Variants in PDE4D observed in about 807,000 individuals in gnomAD.
PDE4D encodes the protein 3',5'-cyclic-AMP phosphodiesterase 4D.
Under a neutral mutation model 87.4 loss-of-function variants are expected in PDE4D, and 24 were observed. The ratio of observed to expected loss-of-function variants is 0.27; its 90% CI spans 0.20 to 0.39. PDE4D has a LOEUF of 0.39. Among genes scored for constraint, PDE4D ranks in the 10% least tolerant of loss-of-function variants. The pLI is 1.00. For synonymous variants in PDE4D, 384 were observed against 383.2 expected (o/e 1.00, Z -0.02); for missense variants, 714 against 1,041.0 (o/e 0.69, Z 4.32).
At chr5:59,001,775 G>T (rs879220887) in intron 6 of PDE4D, among the ~76,000 whole-genome samples, 1 of 152,306 alleles carries the variant, frequency 6.6e-6, no homozygotes, top group South Asian at 2.1e-4. Context: ...TTTCAAAACT[G>T]TGAGACATTT....
intron 1 of PDE4D, among the ~76,000 whole-genome samples, chr5:60,350,878 A>AT (rs1170489074): frequency 6.6e-6 from 1 of 151,924 alleles, no homozygotes; most frequent in African/African-American, 2.4e-5. Context: ...CTCCTCTTAA[A>AT]TTTTTTTCAA....
intron 1 of PDE4D, among the ~76,000 whole-genome samples, chr5:59,892,893 GCACCACA>G (rs1751163227): frequency 8.5e-6 from 1 of 117,648 alleles, no homozygotes; most frequent in African/African-American, 3.7e-5. Flanking sequence ...GGAAGCGCGC[GCACCACA>G]CACACACACA....
chr5:59,023,909 T>C (rs1488929619), intron 6 of PDE4D, among the ~76,000 whole-genome samples: 1 of 150,030 alleles, frequency 6.7e-6, no homozygotes, highest in Non-Finnish European at 1.5e-5. Flanking sequence ...TACTTTTTTT[T>C]TTTTTTTTTT....
intron 2 of PDE4D, among the ~76,000 whole-genome samples, chr5:59,197,791 A>T (rs538158098): frequency 6.6e-6 from 1 of 152,230 alleles, no homozygotes; most frequent in Non-Finnish European, 1.5e-5. Flanking sequence ...GTGGGTTTTA[A>T]TGAACTGAAT....
intron 1 of PDE4D, among the ~76,000 whole-genome samples, chr5:59,879,977 G>A (rs1749197681): frequency 6.6e-6 from 1 of 152,134 alleles, no homozygotes; most frequent in African/African-American, 2.4e-5. Flanking sequence ...CTAACCTTGT[G>A]ATCCACCAGC....
At chr5:59,582,187 C>T (rs1002541247) in intron 1 of PDE4D, among the ~76,000 whole-genome samples, 38 of 152,116 alleles carry the variant, frequency 2.5e-4, no homozygotes, top group African/African-American at 9.2e-4. Context: ...GCAGACACTG[C>T]AATAATTTTA....
chr5:60,358,863 G>A (rs1199705075), intron 1 of PDE4D, among the ~76,000 whole-genome samples: 2 of 152,170 alleles, frequency 1.3e-5, no homozygotes, highest in Admixed American at 1.3e-4. Flanking sequence ...GGTATTATAT[G>A]TGATATTTAG....
At chr5:59,883,552 T>A (rs1240660540) in intron 1 of PDE4D, among the ~76,000 whole-genome samples, 1 of 152,238 alleles carries the variant, frequency 6.6e-6, no homozygotes, top group African/African-American at 2.4e-5. Flanking sequence ...GAAACATTTA[T>A]ATCTATTTCA....
chr5:60,400,496 TG>T (rs1453235312), intron 1 of PDE4D, among the ~76,000 whole-genome samples: 1 of 114,406 alleles, frequency 8.7e-6, no homozygotes, highest in African/African-American at 3.5e-5. Context: ...CACTCCAGCC[TG>T]GGTAACAGAG....
intron 1 of PDE4D, among the ~76,000 whole-genome samples, chr5:60,235,650 A>C (rs71627996): frequency 0.072 from 10,898 of 151,872 alleles, 439 homozygotes; most frequent in Non-Finnish European, 0.097. Context: ...TTCACAAAAA[A>C]AAAATAAAAC....
chr5:59,210,444 T>C (rs943490042), intron 2 of PDE4D, among the ~76,000 whole-genome samples: 1 of 151,954 alleles, frequency 6.6e-6, no homozygotes, highest in African/African-American at 2.4e-5. Context: ...GCCCAAGAAG[T>C]GGTGAGGGAC....
intron 1 of PDE4D, among the ~76,000 whole-genome samples, chr5:59,797,602 G>T (rs756568503): frequency 3.9e-5 from 6 of 152,126 alleles, no homozygotes; most frequent in Non-Finnish European, 8.8e-5. Flanking sequence ...GACATCCAGA[G>T]ATAGAGGGCT....
At chr5:59,442,890 T>C (rs1797853478) in intron 1 of PDE4D, among the ~76,000 whole-genome samples, 1 of 152,190 alleles carries the variant, frequency 6.6e-6, no homozygotes, top group Admixed American at 6.5e-5. Context: ...GTAGAAGTCA[T>C]TGGCCCATAC....
intron 1 of PDE4D, among the ~76,000 whole-genome samples, chr5:60,226,471 T>C (rs934502792): frequency 6.6e-6 from 1 of 152,146 alleles, no homozygotes; most frequent in Non-Finnish European, 1.5e-5. Flanking sequence ...AAAAATAATG[T>C]AAGCCTTAAT....
chr5:60,236,323 A>C (rs1350893905), intron 1 of PDE4D, among the ~76,000 whole-genome samples: 3 of 151,962 alleles, frequency 2.0e-5, no homozygotes, highest in Non-Finnish European at 4.4e-5. Flanking sequence ...AGACTGAAAG[A>C]AAATATTTGT....
At chr5:59,688,395 A>G (rs1341327549) in intron 1 of PDE4D, among the ~76,000 whole-genome samples, 1 of 152,232 alleles carries the variant, frequency 6.6e-6, no homozygotes, top group Non-Finnish European at 1.5e-5. Flanking sequence ...CAATCAAACT[A>G]GAATTCAGGA....
chr5:60,453,615 C>G (rs1158873537), intron 1 of PDE4D, among the ~76,000 whole-genome samples: 1 of 151,882 alleles, frequency 6.6e-6, no homozygotes, highest in Non-Finnish European at 1.5e-5. Flanking sequence ...TACTGGTTGC[C>G]ATAAATTTCA....
chr5:59,283,768 C>G (rs977474455), intron 1 of PDE4D, among the ~76,000 whole-genome samples: 4 of 152,100 alleles, frequency 2.6e-5, no homozygotes. Context: ...AGTTCAGTCT[C>G]CTTGGATTGA....
intron 1 of PDE4D, among the ~76,000 whole-genome samples, chr5:59,407,021 A>G (rs766205852): frequency 6.6e-6 from 1 of 152,284 alleles, no homozygotes; most frequent in Admixed American, 6.5e-5. Context: ...GGAGCCTTGA[A>G]TGATTTAACT....
Sources: allele counts gnomAD v4.1 joint callset (sites outside exome capture counted in the v4.1 genomes callset), GRCh38; gene constraint gnomAD v4.1.1; transcripts MANE v1.5; gene names NCBI Gene and HGNC (gene_info 2026-07-23, HGNC 2026-07-21).